GPC5: variants seen among roughly 807,000 people sequenced by gnomAD.
The protein encoded by GPC5 is glypican-5.
GPC5 carries 47 observed loss-of-function variants against 53.9 expected under a neutral mutation model. That is an observed-to-expected ratio of 0.87 (90% CI 0.69 to 1.11). The LOEUF (loss-of-function observed/expected upper bound fraction) is 1.11, where lower values mean the gene tolerates loss of function less well. Among genes scored for constraint, GPC5 ranks in the 50% most tolerant of loss-of-function variants. GPC5 has a pLI of 0.00. For missense variants in GPC5, 748 were observed against 713.1 expected (o/e 1.05, Z -0.56); for synonymous variants, 286 against 263.3 (o/e 1.09, Z -0.84).
intron 6 of GPC5, among the ~76,000 whole-genome samples, chr13:91,965,095 AG>A (rs1466433737): frequency 2.6e-5 from 2 of 77,066 alleles, no homozygotes; most frequent in African/African-American, 1.0e-4. Flanking sequence ...GGGTGGGGGG[AG>A]GGGGGAGAGA....
At position 91,596,297 on chromosome 13, in the gene GPC5, C is replaced by T. The variant is rs541785606; in HGVS notation, c.326-96890C>T. 2.0e-5 allele frequency among the ~76,000 whole-genome samples: 3 copies of T among 151,822 alleles called. No individual in the cohort carries two copies. In the East Asian group the frequency reaches 5.8e-4, roughly 29 times the overall value. ...TGTGTAATTGAGTCTTGTTTTTTAT[C>T]CAATATGTTTATCTCTGCCTTTAAA... On this transcript the variant is annotated intron_variant, in intron 2 of 7. Transcript: ENST00000377067.
At chr13:92,033,039 G>T in intron 6 of GPC5, among the ~76,000 whole-genome samples, 1 of 59,302 alleles carries the variant, frequency 1.7e-5, no homozygotes, top group African/African-American at 5.1e-5. Context: ...TTATTGTCGT[G>T]TGTGTGTGTG....
chr13:91,888,542 G>A (rs2039350924), intron 5 of GPC5, among the ~76,000 whole-genome samples: 1 of 152,182 alleles, frequency 6.6e-6, no homozygotes, highest in Non-Finnish European at 1.5e-5. Context: ...GCTCTGCTAA[G>A]GTAAAGTGGA....
intron 6 of GPC5, among the ~76,000 whole-genome samples, chr13:92,131,477 G>T (rs1206777751): frequency 1.3e-5 from 2 of 151,786 alleles, no homozygotes; most frequent in Non-Finnish European, 2.9e-5. Context: ...TTTATAAAAT[G>T]GAATACCCCT....
intron 7 of GPC5, among the ~76,000 whole-genome samples, chr13:92,730,034 C>A (rs891333489): frequency 1.3e-5 from 2 of 151,292 alleles, no homozygotes; most frequent in African/African-American, 4.8e-5. Context: ...CGAATTATAG[C>A]CACTTTAGTG....
At chr13:91,948,322 A>G (rs2039994572) in intron 6 of GPC5, among the ~76,000 whole-genome samples, 1 of 151,926 alleles carries the variant, frequency 6.6e-6, no homozygotes, top group Non-Finnish European at 1.5e-5. Flanking sequence ...CTAATAATGT[A>G]CAACAAGCAA....
At chr13:92,673,097 G>A (rs1468633695) in intron 7 of GPC5, among the ~76,000 whole-genome samples, 2 of 151,794 alleles carry the variant, frequency 1.3e-5, no homozygotes, top group African/African-American at 2.4e-5. Flanking sequence ...GTTTTATATT[G>A]ATATCAACTT....
chr13:91,750,484 A>G (rs1211769450), intron 4 of GPC5, among the ~76,000 whole-genome samples: 1 of 152,156 alleles, frequency 6.6e-6, no homozygotes, highest in Non-Finnish European at 1.5e-5. Flanking sequence ...AAATAATTGC[A>G]TGGATGCAGT....
chr13:92,015,637 T>C (rs2040700199), intron 6 of GPC5, among the ~76,000 whole-genome samples: 1 of 152,214 alleles, frequency 6.6e-6, no homozygotes. Flanking sequence ...GAATTCAAAC[T>C]AAGAGCTTAT....
intron 7 of GPC5, among the ~76,000 whole-genome samples, chr13:92,202,605 C>T (rs1050028439): frequency 5.3e-5 from 8 of 152,198 alleles, no homozygotes; most frequent in African/African-American, 1.2e-4. Context: ...TAATAAGAGA[C>T]GGTAATCTTT....
intron 3 of GPC5, among the ~76,000 whole-genome samples, chr13:91,719,699 A>C (rs1002700380): frequency 6.6e-6 from 1 of 152,236 alleles, no homozygotes; most frequent in African/African-American, 2.4e-5. Context: ...AAAGACAGCT[A>C]ATATAAAAAG....
intron 6 of GPC5, among the ~76,000 whole-genome samples, chr13:92,040,692 G>A (rs138123554): frequency 2.0e-5 from 3 of 152,006 alleles, no homozygotes; most frequent in Non-Finnish European, 2.9e-5. Context: ...CTCCTGATTC[G>A]CCAAAAATTG....
intron 6 of GPC5, among the ~76,000 whole-genome samples, chr13:92,079,618 T>A (rs2041279700): frequency 6.6e-6 from 1 of 152,202 alleles, no homozygotes; most frequent in Admixed American, 6.5e-5. Context: ...TGCTTCTAAA[T>A]CTTAAGGATG....
intron 5 of GPC5, among the ~76,000 whole-genome samples, chr13:91,869,910 C>G (rs917527732): frequency 1.3e-5 from 2 of 152,128 alleles, no homozygotes; most frequent in African/African-American, 4.8e-5. Flanking sequence ...GTCATGAGAA[C>G]AGCAAGGGGA....
intron 6 of GPC5, among the ~76,000 whole-genome samples, chr13:92,137,855 G>T (rs541429384): frequency 1.9e-4 from 29 of 152,278 alleles, no homozygotes; most frequent in Admixed American, 3.9e-4. Flanking sequence ...GTAATGTCAA[G>T]TTTGTTGGGG....
intron 6 of GPC5, among the ~76,000 whole-genome samples, chr13:91,924,938 G>T (rs540746109): frequency 1.7e-4 from 26 of 151,546 alleles, no homozygotes; most frequent in Non-Finnish European, 3.5e-4. Flanking sequence ...TCCTGCCTCA[G>T]CCTCCCTAGT....
At chr13:92,653,037 T>C (rs950296623) in intron 7 of GPC5, among the ~76,000 whole-genome samples, 23 of 152,156 alleles carry the variant, frequency 1.5e-4, no homozygotes, top group African/African-American at 4.6e-4. Context: ...GACTACAATG[T>C]GTATTTGCTG....
intron 7 of GPC5, among the ~76,000 whole-genome samples, chr13:92,441,359 G>A (rs184055762): frequency 2.2e-3 from 329 of 152,268 alleles, no homozygotes; most frequent in African/African-American, 7.6e-3. Context: ...GTGAGCTACC[G>A]CCTCAATTTT....
intron 5 of GPC5, among the ~76,000 whole-genome samples, chr13:91,828,923 G>T (rs2038615269): frequency 6.6e-6 from 1 of 152,070 alleles, no homozygotes; most frequent in South Asian, 2.1e-4. Context: ...AGCCAAAAAT[G>T]ATGAATATGT....
Sources: gnomAD v4.1 joint callset for allele counts (sites outside exome capture counted in the v4.1 genomes callset) on GRCh38, gnomAD v4.1.1 for gene constraint, MANE v1.5 for transcripts, NCBI Gene and HGNC (gene_info 2026-07-23, HGNC 2026-07-21) for gene names.